The following CDON variants were observed in gnomAD, a reference collection of about 807,000 sequenced individuals.
The protein encoded by CDON is cell adhesion molecule-related/down-regulated by oncogenes.
Under a neutral mutation model 120.9 loss-of-function variants are expected in CDON, and 73 were observed. The observed-to-expected ratio is 0.60, with a 90% CI of 0.50 to 0.73. The LOEUF (loss-of-function observed/expected upper bound fraction) is 0.73. Ranked by LOEUF, CDON falls within the 30% of genes least tolerant of loss-of-function variation. The pLI, the probability that CDON is intolerant of heterozygous loss-of-function variation, is 0.00. For missense variants in CDON, 1,470 were observed against 1,587.3 expected (o/e 0.93, Z 1.26); for synonymous variants, 566 against 573.5 (o/e 0.99, Z 0.19).
At chr11:125,965,922 G>T (rs900747659) in intron 18 of CDON, among the ~76,000 whole-genome samples, 1 of 152,154 alleles carries the variant, frequency 6.6e-6, no homozygotes, top group Non-Finnish European at 1.5e-5. Context: ...ATCACCTGAC[G>T]TCGGGAGTTC....
chr11:126,025,906 C>T lies in CDON; in HGVS notation c.-61-2369G>A, dbSNP rs77284915. ...TAAAACTAACAATGTCCATGCCATT[C>T]TCCAGATATGGCCAATTCTTTCTCT... On this transcript the variant is annotated intron_variant, in intron 1 of 19. Coordinates refer to ENST00000531738, the MANE Select transcript of CDON (RefSeq NM_001378964.1). Among the ~76,000 whole-genome samples, 1,400 of 152,280 alleles carry T rather than the reference C, an allele frequency of 9.2e-3. 21 individuals are homozygous for T. The highest frequency in any genetic ancestry group is 0.031 in the African/African-American group (1,283 of 41,540).
intron 1 of CDON, among the ~76,000 whole-genome samples, chr11:126,036,981 T>C (rs1268417922): frequency 2.0e-5 from 3 of 152,256 alleles, no homozygotes; most frequent in African/African-American, 7.2e-5. Context: ...TGAGCCACCA[T>C]ACCCAGCCTA....
At chr11:125,978,773 G>C (rs1414901347) in intron 17 of CDON, among the ~76,000 whole-genome samples, 1 of 152,190 alleles carries the variant, frequency 6.6e-6, no homozygotes, top group Non-Finnish European at 1.5e-5. Flanking sequence ...AGAATTTCAT[G>C]TGATACCAGT....
chr11:125,958,809 T>C lies in CDON; in HGVS notation c.*2133A>G, dbSNP rs1945561098. ...GCAGTTCATGACCTAAGGCTCATGC[T>C]AATACACCTGTTTCCTAAATCAAAA... On this transcript the variant is annotated 3_prime_UTR_variant, in exon 20 of 20. Coordinates refer to ENST00000531738, the MANE Select transcript of CDON (RefSeq NM_001378964.1). 6.6e-6 allele frequency: 1 copy of C among 152,552 alleles called. No homozygotes were observed. The highest frequency in any genetic ancestry group is 1.5e-5 in the Non-Finnish European group (1 of 68,024). The allele number at this position is 152,552 out of a possible 1,614,324, so 9.4% of individuals were successfully genotyped here.
chr11:126,014,947 G>C (rs1444844007), intron 7 of CDON: 1 of 387,558 alleles, frequency 2.6e-6, no homozygotes, highest in Non-Finnish European at 4.7e-6. Context: ...TCTAAAGAGA[G>C]GAACTGACTG....
intron 8 of CDON, among the ~76,000 whole-genome samples, chr11:126,008,080 T>A (rs531403286): frequency 6.6e-6 from 1 of 152,304 alleles, no homozygotes; most frequent in Non-Finnish European, 1.5e-5. Flanking sequence ...TGACCACTGC[T>A]GCCAGCAACT....
chr11:126,045,103 G>A (rs1317750494), intron 1 of CDON, among the ~76,000 whole-genome samples: 2 of 152,156 alleles, frequency 1.3e-5, no homozygotes, highest in East Asian at 3.9e-4. Flanking sequence ...TCGGCTCACT[G>A]CAACCTCCGC....
chr11:126,047,087 T>C (rs908288699), intron 1 of CDON, among the ~76,000 whole-genome samples: 10 of 152,156 alleles, frequency 6.6e-5, no homozygotes, highest in Non-Finnish European at 1.3e-4. Flanking sequence ...TAGCAAAGAA[T>C]TCTAACAATA....
intron 7 of CDON, among the ~76,000 whole-genome samples, chr11:126,011,633 G>A (rs552806367): frequency 3.7e-4 from 56 of 151,910 alleles, no homozygotes; most frequent in African/African-American, 1.4e-3. Context: ...CTTTTGTTTA[G>A]GTATGCATGT....
intron 19 of CDON, among the ~76,000 whole-genome samples, chr11:125,961,499 G>A (rs1945641943): frequency 6.6e-6 from 1 of 152,220 alleles, no homozygotes; most frequent in Non-Finnish European, 1.5e-5. Context: ...AAAGTGTGAT[G>A]GGATTGACAG....
At chr11:125,983,713 T>C (rs1401826856) in intron 16 of CDON, among the ~76,000 whole-genome samples, 159 bp downstream of exon 16, 1 of 152,204 alleles carries the variant, frequency 6.6e-6, no homozygotes, top group African/African-American at 2.4e-5. Flanking sequence ...GGCTGACAGC[T>C]AGAACAGTTT....
intron 11 of CDON, among the ~76,000 whole-genome samples, chr11:125,998,141 AG>A (rs1467655724): frequency 6.6e-6 from 1 of 152,222 alleles, no homozygotes; most frequent in Non-Finnish European, 1.5e-5. Context: ...CTAACACACC[AG>A]GTAGATGGTC....
chr11:125,975,441 G>GTAATAGCATT (rs58052835), intron 18 of CDON, among the ~76,000 whole-genome samples: 1 of 151,930 alleles, frequency 6.6e-6, no homozygotes, highest in African/African-American at 2.4e-5. Flanking sequence ...CTATTATTAA[G>GTAATAGCATT]TAATAGGACT....
rs780005078 is a variant in CDON at position 126,021,340 on chromosome 11, G to C, written c.257C>G (p.Ser86Cys). The C allele has an allele frequency of 3.7e-6, 6 of 1,614,168 alleles. No homozygotes were observed. The highest frequency in any genetic ancestry group is 2.2e-5 in the South Asian group (2 of 91,078). The change falls in exon 3 of 20, where the codon TCT becomes TGT. Residue 86 changes from serine to cysteine, a missense_variant. Physicochemically the swap from Ser to Cys is moderately radical, Grantham distance 112. Transcript: ENST00000531738. ...GTAACCCAAAAGAGAGGAGTTGAGA[G>C]AAAGAATTGTCAGAGTCCCCTGATG... ...KIHQGTLTIL[S>C]LNSSLLGYYQ... is the part of the protein sequence containing the mutation.
chr11:125,991,033 C>A (rs1421341054), intron 14 of CDON, among the ~76,000 whole-genome samples: 1 of 152,008 alleles, frequency 6.6e-6, no homozygotes, highest in Non-Finnish European at 1.5e-5. Context: ...TTTCCCAACC[C>A]AGCCCTACAC....
chr11:126,040,814 C>CAAAAAA lies in CDON; in HGVS notation c.-61-17283_-61-17278dup, dbSNP rs71048763. On this transcript the variant is annotated intron_variant, in intron 1 of 19. Coordinates refer to ENST00000531738, the MANE Select transcript of CDON (RefSeq NM_001378964.1). ...CGGGCAACAGAGAAAGACTCCGTCTCAAAAAAAAAAAAAAAAAAAAAAAAA... is the reference window on the plus strand; with the variant it reads ...CGGGCAACAGAGAAAGACTCCGTCTCAAAAAAAAAAAAAAAAAAAAAAAAAAAAAAA... Among the ~76,000 whole-genome samples the CAAAAAA allele has an allele frequency of 3.3e-3, 150 of 45,014 alleles. 4 individuals carry two copies. Among genetic ancestry groups the CAAAAAA allele is most frequent in the Middle Eastern group, 0.028 (1 of 36 alleles). The allele number at this position is 45,014 out of a possible 152,430, so 29.5% of individuals were successfully genotyped here. A position where few individuals can be genotyped will look rare whatever the true frequency, so the allele number is the denominator to read the frequency against.
chr11:126,053,450 A>G (rs1591436902), intron 1 of CDON, among the ~76,000 whole-genome samples: 1 of 152,218 alleles, frequency 6.6e-6, no homozygotes. Flanking sequence ...CTAATTGCAC[A>G]GTGAGAGTGC....
intron 11 of CDON, among the ~76,000 whole-genome samples, chr11:125,998,839 T>C (rs553290496): frequency 6.6e-6 from 1 of 152,246 alleles, no homozygotes; most frequent in African/African-American, 2.4e-5. Context: ...GACAATCAAG[T>C]TTCTAGAGCT....
chr11:126,028,402 CACCCAGGCTGG>C lies in CDON; in HGVS notation c.-61-4876_-61-4866del, dbSNP rs201757559. ...TTTTTTTGAGATGGAATCTTGCTGT[CACCCAGGCTGG>C]AGTGCAGTGGCATGATCTTGGCTCA... On this transcript the variant is annotated intron_variant, in intron 1 of 19. Coordinates refer to ENST00000531738, the MANE Select transcript of CDON (RefSeq NM_001378964.1). Among the ~76,000 whole-genome samples, 1,336 of 151,728 alleles carry C rather than the reference CACCCAGGCTGG, an allele frequency of 8.8e-3. 18 individuals carry two copies. The highest frequency in any genetic ancestry group is 0.031 in the African/African-American group (1,273 of 41,364).
Sources: allele counts gnomAD v4.1 joint callset (sites outside exome capture counted in the v4.1 genomes callset), GRCh38; gene constraint gnomAD v4.1.1; transcripts MANE v1.5; gene names NCBI Gene and HGNC (gene_info 2026-07-23, HGNC 2026-07-21).